Variants in RIMS2 observed in about 807,000 individuals in gnomAD.
The protein encoded by RIMS2 is regulating synaptic membrane exocytosis 2.
RIMS2 carries 59 observed loss-of-function variants against 174.4 expected under a neutral mutation model. The ratio of observed to expected loss-of-function variants is 0.34; its 90% CI spans 0.27 to 0.42. The LOEUF (loss-of-function observed/expected upper bound fraction) is 0.42, where lower values mean the gene tolerates loss of function less well. RIMS2 is among the 10% of genes least tolerant of loss of function. The pLI, the probability that RIMS2 is intolerant of heterozygous loss-of-function variation, is 1.00. For synonymous variants in RIMS2, 606 were observed against 572.5 expected (o/e 1.06, Z -0.84); for missense variants, 1,620 against 1,666.3 (o/e 0.97, Z 0.48).
intron 3 of RIMS2, among the ~76,000 whole-genome samples, chr8:103,803,091 A>G (rs1158263088): frequency 6.6e-6 from 1 of 152,074 alleles, no homozygotes; most frequent in Non-Finnish European, 1.5e-5. Flanking sequence ...CTAACTGTGC[A>G]TGGAACCTAC....
intron 2 of RIMS2, among the ~76,000 whole-genome samples, chr8:103,723,869 G>A (rs2097489675): frequency 6.6e-6 from 1 of 152,174 alleles, no homozygotes; most frequent in Admixed American, 6.5e-5. Flanking sequence ...TCTTATCCTG[G>A]TATGGGCCTA....
chr8:103,697,842 T>A (rs569157550), intron 2 of RIMS2, among the ~76,000 whole-genome samples: 2 of 152,174 alleles, frequency 1.3e-5, no homozygotes, highest in East Asian at 3.9e-4. Context: ...CTGGCCAATA[T>A]GGTGAAACCC....
intron 1 of RIMS2, among the ~76,000 whole-genome samples, chr8:103,647,968 G>A (rs2135735394): frequency 6.8e-6 from 1 of 148,078 alleles, no homozygotes; most frequent in Non-Finnish European, 1.5e-5. Flanking sequence ...TCTTCTGTTA[G>A]CTGTGGGGCT....
intron 17 of RIMS2, among the ~76,000 whole-genome samples, chr8:104,006,287 C>T (rs1026192116): frequency 7.2e-5 from 11 of 152,050 alleles, no homozygotes; most frequent in African/African-American, 1.9e-4. Context: ...CGGTAGCTCA[C>T]GCCTGTAATC....
chr8:103,714,732 T>C (rs1046028129), intron 2 of RIMS2, among the ~76,000 whole-genome samples: 1 of 152,090 alleles, frequency 6.6e-6, no homozygotes, highest in African/African-American at 2.4e-5. Context: ...ATCAATGATA[T>C]ATAAGTGATA....
In RIMS2 at chr8:103,916,554, AT is replaced by A; in HGVS notation, c.2036+21del. The A allele has an allele frequency of 6.3e-7, 1 of 1,590,782 alleles. No individual in the cohort carries two copies. Among genetic ancestry groups the A allele is most frequent in the Non-Finnish European group, 8.5e-7 (1 of 1,170,224 alleles). On this transcript the variant is annotated intron_variant, in intron 8 of 23. Coordinates refer to ENST00000504942, the Ensembl canonical transcript of RIMS2. ...GCCTATTGGGTAAGTTGGTTTCAGT[AT>A]TTTATATGTGTGTGAAGTTGAATAG...
At chr8:104,067,058 C>A (rs1376961950) in intron 19 of RIMS2, among the ~76,000 whole-genome samples, 1 of 152,054 alleles carries the variant, frequency 6.6e-6, no homozygotes, top group East Asian at 1.9e-4. Flanking sequence ...GATACCATAA[C>A]TTCTAGTTAT....
At chr8:103,881,579 A>G (rs2099167497) in intron 3 of RIMS2, among the ~76,000 whole-genome samples, 2 of 151,566 alleles carry the variant, frequency 1.3e-5, no homozygotes, top group South Asian at 4.1e-4. Flanking sequence ...GAATTTAAGG[A>G]GTCTAATTGG....
chr8:103,909,520 T>C (rs547812931), intron 4 of RIMS2, among the ~76,000 whole-genome samples: 19 of 152,268 alleles, frequency 1.2e-4, no homozygotes, highest in African/African-American at 3.4e-4. Flanking sequence ...AGTTTATTTT[T>C]ACTAATAGAT....
chr8:104,213,792 G>A (rs560989202), intron 19 of RIMS2, among the ~76,000 whole-genome samples: 3 of 122,942 alleles, frequency 2.4e-5, no homozygotes, highest in Admixed American at 8.7e-5. Context: ...CAGGGGAATC[G>A]CTTGAACCCC....
At chr8:104,130,232 A>G (rs2098463692) in intron 19 of RIMS2, among the ~76,000 whole-genome samples, 1 of 152,206 alleles carries the variant, frequency 6.6e-6, no homozygotes, top group South Asian at 2.1e-4. Flanking sequence ...AAAACACTGT[A>G]ATTGATATCC....
At chr8:103,898,224 A>G (rs1281891897) in intron 4 of RIMS2, among the ~76,000 whole-genome samples, 1 of 151,600 alleles carries the variant, frequency 6.6e-6, no homozygotes, top group Non-Finnish European at 1.5e-5. Flanking sequence ...CTTCTTTCTC[A>G]CCATATAGTG....
intron 2 of RIMS2, among the ~76,000 whole-genome samples, chr8:103,711,374 T>A (rs959675553): frequency 2.0e-5 from 3 of 152,148 alleles, no homozygotes; most frequent in Admixed American, 6.5e-5. Flanking sequence ...TTTGGCAAGA[T>A]TCTATTGCCT....
At chr8:104,155,073 G>A (rs7010248) in intron 19 of RIMS2, among the ~76,000 whole-genome samples, 1 of 151,876 alleles carries the variant, frequency 6.6e-6, no homozygotes, top group Non-Finnish European at 1.5e-5. Context: ...ATGCCTTTCT[G>A]GGGGTGTTAG....
intron 4 of RIMS2, among the ~76,000 whole-genome samples, chr8:103,909,949 T>C (rs946565045): frequency 1.3e-5 from 2 of 151,414 alleles, no homozygotes; most frequent in African/African-American, 4.8e-5. Context: ...AAATTTTACT[T>C]TTTGAATATT....
chr8:103,850,620 T>G (rs75948073), intron 3 of RIMS2, among the ~76,000 whole-genome samples: 3,339 of 152,130 alleles, frequency 0.022, 123 homozygotes, highest in African/African-American at 0.075. Context: ...TTCTAATCTT[T>G]GTATCTTTTG....
At chr8:103,966,121 T>A (rs1189999181) in intron 15 of RIMS2, among the ~76,000 whole-genome samples, 1 of 152,180 alleles carries the variant, frequency 6.6e-6, no homozygotes, top group African/African-American at 2.4e-5. Flanking sequence ...CTGGTTTTGA[T>A]ATTGAGGTAA....
Position 103,648,838 on chromosome 8 carries a change from C to A in RIMS2, c.177-48248C>A, listed in dbSNP as rs1201564914. On this transcript the variant is annotated intron_variant, in intron 1 of 23. Coordinates refer to ENST00000504942, the Ensembl canonical transcript of RIMS2. ...TATTTTGGGCCTATGTGTGTCTTTGCATGTGAGATGGGTCTCTTGAAGACA... is the reference window on the plus strand; with the variant it reads ...TATTTTGGGCCTATGTGTGTCTTTGAATGTGAGATGGGTCTCTTGAAGACA... Among the ~76,000 whole-genome samples, 4 of 152,228 alleles carry A rather than the reference C, an allele frequency of 2.6e-5. No homozygotes were observed. In the East Asian group the frequency reaches 7.7e-4, roughly 29 times the overall value.
intron 19 of RIMS2, among the ~76,000 whole-genome samples, chr8:104,091,895 G>A (rs13267260): frequency 0.17 from 26,115 of 151,360 alleles, 2,399 homozygotes; most frequent in South Asian, 0.33. Flanking sequence ...CTGGGAAAAG[G>A]CAGCAATTTT....
Sources: gnomAD v4.1 joint callset for allele counts (sites outside exome capture counted in the v4.1 genomes callset) on GRCh38, gnomAD v4.1.1 for gene constraint, MANE v1.5 for transcripts, NCBI Gene and HGNC (gene_info 2026-07-23, HGNC 2026-07-21) for gene names.